GNAT3: variants seen among roughly 807,000 people sequenced by gnomAD.
GNAT3 encodes the protein G protein subunit alpha transducin 3, also known as guanine nucleotide-binding protein G(t) subunit alpha-3.
In GNAT3, 31 loss-of-function variants were observed where a neutral mutation model predicts 37.7. The observed-to-expected ratio is 0.82, with a 90% CI of 0.62 to 1.11. The LOEUF is 1.11. Ranked by LOEUF, GNAT3 falls within the 50% of genes most tolerant of loss-of-function variation. The pLI is 0.00. For synonymous variants in GNAT3, 138 were observed against 139.8 expected (o/e 0.99, Z 0.09); for missense variants, 437 against 412.5 (o/e 1.06, Z -0.51).
chr7:80,498,891 ATAAG>A (rs1331946171), intron 1 of GNAT3, among the ~76,000 whole-genome samples: 4 of 152,176 alleles, frequency 2.6e-5, no homozygotes, highest in African/African-American at 4.8e-5. Flanking sequence ...TTTAATAAGA[ATAAG>A]TAAGGAATCC....
intron 3 of GNAT3, among the ~76,000 whole-genome samples, chr7:80,480,447 G>A (rs1428972986): frequency 1.3e-5 from 2 of 152,146 alleles, no homozygotes; most frequent in East Asian, 1.9e-4. Flanking sequence ...CAGGAAAGGG[G>A]TCCCAATCCA....
intron 1 of GNAT3, among the ~76,000 whole-genome samples, chr7:80,508,987 G>A (rs1524600): frequency 0.21 from 31,595 of 151,916 alleles, 5,548 homozygotes; most frequent in African/African-American, 0.48. Context: ...GGTTAAACTG[G>A]TTAGTTCCAT....
intron 3 of GNAT3, among the ~76,000 whole-genome samples, chr7:80,488,142 T>A: frequency 6.6e-6 from 1 of 152,146 alleles, no homozygotes; most frequent in East Asian, 1.9e-4. Flanking sequence ...ACATTAATTA[T>A]AATTGTTATG....
At chr7:80,494,526 C>A (rs1790677312) in intron 2 of GNAT3, 79 bp downstream of exon 2, 1 of 774,294 alleles carries the variant, frequency 1.3e-6, no homozygotes. Flanking sequence ...TCAGCATTTA[C>A]AAAAGCATGT....
intron 3 of GNAT3, chr7:80,486,647 T>A (rs1451599950): frequency 1.4e-4 from 20 of 146,802 alleles, no homozygotes; most frequent in African/African-American, 4.5e-4. Context: ...TTTTTTTTTT[T>A]TTTTTTTTAT....
chr7:80,502,312 T>C (rs1469864160), intron 1 of GNAT3, among the ~76,000 whole-genome samples: 1 of 152,134 alleles, frequency 6.6e-6, no homozygotes, highest in African/African-American at 2.4e-5. Context: ...AAAAATGTTA[T>C]ATGAGCTTTC....
chr7:80,499,996 A>G (rs971162450), intron 1 of GNAT3, among the ~76,000 whole-genome samples: 2 of 152,190 alleles, frequency 1.3e-5, no homozygotes, highest in African/African-American at 2.4e-5. Context: ...CAAGTATAAT[A>G]TGATCCACTC....
At chr7:80,496,197 C>T (rs1790712768) in intron 1 of GNAT3, among the ~76,000 whole-genome samples, 1 of 152,160 alleles carries the variant, frequency 6.6e-6, no homozygotes, top group Non-Finnish European at 1.5e-5. Context: ...GTGGCAAGAT[C>T]TCTGCTCACT....
chr7:80,481,354 G>C (rs1013742371), intron 3 of GNAT3, among the ~76,000 whole-genome samples: 3 of 152,058 alleles, frequency 2.0e-5, no homozygotes, highest in Non-Finnish European at 4.4e-5. Flanking sequence ...TGAAAAACTA[G>C]GTCAGGCTGT....
chr7:80,487,282 A>G lies in GNAT3; in HGVS notation c.303+1253T>C, dbSNP rs563457734. 9.0e-4 allele frequency among the ~76,000 whole-genome samples: 137 copies of G among 152,296 alleles called. 1 individual carries two copies. Among genetic ancestry groups the G allele is most frequent in the African/African-American group, 3.2e-3 (132 of 41,580 alleles). On this transcript the variant is annotated intron_variant, in intron 3 of 7. Coordinates refer to ENST00000398291, the MANE Select transcript of GNAT3 (RefSeq NM_001102386.3). The stretch of plus-strand genomic sequence containing the variant: ...TCAGAGAGAGATAAAGAATAAAAGG[A>G]TCTTGGAGTTCGACTCCTCCAAGTT...
chr7:80,497,571 T>TGGGCTCAGTAGGA (rs1790743651), intron 1 of GNAT3, among the ~76,000 whole-genome samples: 1 of 137,414 alleles, frequency 7.3e-6, no homozygotes, highest in African/African-American at 2.8e-5. Flanking sequence ...TATACGTATA[T>TGGGCTCAGTAGGA]ACATATACGT....
At chr7:80,465,064 A>C (rs1308876382) in intron 5 of GNAT3, among the ~76,000 whole-genome samples, 2 of 152,132 alleles carry the variant, frequency 1.3e-5, no homozygotes, top group Non-Finnish European at 2.9e-5. Context: ...TAACCAATAC[A>C]TTTAATTTTT....
rs56730701 is a variant in GNAT3 at position 80,479,710 on chromosome 7, CAA to C, written c.304-714_304-713del. On this transcript the variant is annotated intron_variant, in intron 3 of 7. Coordinates refer to ENST00000398291, the MANE Select transcript of GNAT3 (RefSeq NM_001102386.3). ...TAGGTGACAGAGCCAGACCCTGTCT[CAA>C]AAAAAAAAAAAAAAAAAAATTAGAG... is the stretch of plus-strand genomic sequence containing the variant. Among the ~76,000 whole-genome samples, 100 of 79,438 alleles carry C rather than the reference CAA, an allele frequency of 1.3e-3. 1 individual carries two copies. The highest frequency in any genetic ancestry group is 2.5e-3 in the African/African-American group (62 of 25,218). 52.1% of individuals were successfully genotyped at this position (79,438 alleles called of 152,430 possible). A position where few individuals can be genotyped will look rare whatever the true frequency, so the allele number is the denominator to read the frequency against.
Position 80,488,566 on chromosome 7 carries a change from A to G in GNAT3, c.272T>C (p.Leu91Pro). The G allele has an allele frequency of 6.2e-7, 1 of 1,601,644 alleles. No homozygotes were observed. The highest frequency in any genetic ancestry group is 8.5e-7 in the Non-Finnish European group (1 of 1,172,940). ...TCTGGGATTTACATAATCAATTCCA[A>G]GGGTAGTCATGGCTTTCACAATAGC... ...ILAIVKAMTTLGIDYVNPRSA... is the reference protein window; with the variant it reads ...ILAIVKAMTTPGIDYVNPRSA... Residue 91 changes from leucine (L) to proline (P), a missense_variant, in exon 3 of 8, where the codon CTT becomes CCT. Coordinates refer to ENST00000398291, the MANE Select transcript of GNAT3 (RefSeq NM_001102386.3).
At chr7:80,490,802 C>G (rs186453030) in intron 2 of GNAT3, among the ~76,000 whole-genome samples, 82 of 152,308 alleles carry the variant, frequency 5.4e-4, no homozygotes, top group South Asian at 3.7e-3. Flanking sequence ...GTTTGTGATA[C>G]ACCTGGGCCA....
Position 80,474,178 on chromosome 7 carries a change from G to A in GNAT3, c.590+73C>T, listed in dbSNP as rs1182027333. 5 of 1,451,244 alleles carry A rather than the reference G, an allele frequency of 3.4e-6. No individual in the cohort carries two copies. The East Asian group carries it at 7.2e-5, about 21-fold the overall frequency. The allele number at this position is 1,451,244 out of a possible 1,614,324, so 89.9% of individuals were successfully genotyped here. A position where few individuals can be genotyped will look rare whatever the true frequency, so the allele number is the denominator to read the frequency against. On this transcript the variant is annotated intron_variant, in intron 5 of 7. Transcript: ENST00000398291. ...TTATTGAACCTGAACATGGGCTAGAGCTTTTCTCCATGAGGAAATATTAAG... is the reference window on the plus strand; with the variant it reads ...TTATTGAACCTGAACATGGGCTAGAACTTTTCTCCATGAGGAAATATTAAG...
chr7:80,477,895 C>T (rs979707384), intron 4 of GNAT3, among the ~76,000 whole-genome samples: 1 of 152,162 alleles, frequency 6.6e-6, no homozygotes. Context: ...TTAGGAACCA[C>T]TTGCTAAAAT....
At chr7:80,472,861 T>C (rs1790242606) in intron 5 of GNAT3, among the ~76,000 whole-genome samples, 1 of 152,192 alleles carries the variant, frequency 6.6e-6, no homozygotes, top group Admixed American at 6.5e-5. Context: ...CTCCTACTGC[T>C]AATTATTAGG....
chr7:80,502,543 T>A (rs1790852975), intron 1 of GNAT3, among the ~76,000 whole-genome samples: 1 of 152,210 alleles, frequency 6.6e-6, no homozygotes, highest in Admixed American at 6.5e-5. Flanking sequence ...TAAAAAGGCC[T>A]TGGTTAATCA....
Sources: allele counts gnomAD v4.1 joint callset (sites outside exome capture counted in the v4.1 genomes callset), GRCh38; gene constraint gnomAD v4.1.1; transcripts MANE v1.5; gene names NCBI Gene and HGNC (gene_info 2026-07-23, HGNC 2026-07-21).